The following SLC25A6 variants were observed in gnomAD, a reference collection of about 807,000 sequenced individuals.
SLC25A6 encodes the protein ADP/ATP translocase 3.
In SLC25A6, 9 loss-of-function variants were observed where a neutral mutation model predicts 25.7. That is an observed-to-expected ratio of 0.35 (90% confidence interval 0.21 to 0.61). The LOEUF (loss-of-function observed/expected upper bound fraction) is 0.61. Among genes scored for constraint, SLC25A6 ranks in the 20% least tolerant of loss-of-function variants. SLC25A6 has a pLI of 0.76. For synonymous variants in SLC25A6, 223 were observed against 197.0 expected, an observed-to-expected ratio of 1.13 and a Z score of -1.11; for missense variants, 404 against 440.5, an observed-to-expected ratio of 0.92 and a Z score of 0.74.
intron 2 of SLC25A6, 32 bp from the exon 3 acceptor site, chrX:1,387,451 C>G: frequency 1.2e-6 from 2 of 1,607,864 alleles, no homozygotes; most frequent in Non-Finnish European, 8.5e-7. Flanking sequence ...CCGTCTCCAG[C>G]GCCTGCACGG....
chrX:1,389,581 G>A lies in SLC25A6; in HGVS notation c.258C>T (p.Ala86=). The A allele has an allele frequency of 7.4e-6, 12 of 1,614,178 alleles. No individual in the cohort carries two copies. Among genetic ancestry groups the A allele is most frequent in the Non-Finnish European group, 9.3e-6 (11 of 1,180,026 alleles). ...ANVIRYFPTQ[A]LNFAFKDKYK... ...ACTTATCCTTGAAGGCGAAGTTGAG[G>A]GCTTGAGTGGGGAAGTAGCGAATGA... Residue 86 remains alanine (A), a synonymous_variant, in exon 2 of 4, where the codon GCC becomes GCT. Coordinates refer to ENST00000381401, the MANE Select transcript of SLC25A6 (RefSeq NM_001636.4).
In SLC25A6 at chrX:1,387,394, C is replaced by T. The variant is rs372528410; in HGVS notation, c.624G>A (p.Thr208=). 3.5e-5 allele frequency: 57 copies of T among 1,613,026 alleles called. No homozygotes were observed. Among genetic ancestry groups the T allele is most frequent in the Non-Finnish European group, 4.6e-5 (54 of 1,179,712 alleles). Residue 208 remains threonine, a synonymous_variant, in exon 3 of 4, where the codon ACG becomes ACA. Coordinates refer to ENST00000381401, the MANE Select transcript of SLC25A6 (RefSeq NM_001636.4). ...AKGMLPDPKN[T]HIVVSWMIAQ... The stretch of plus-strand genomic sequence containing the variant: ...CGATCATCCAGCTCACCACGATGTG[C>T]GTGTTCTTGGGGTCGGGGAGCATGC...
intron 3 of SLC25A6, 94 bp from the exon 4 acceptor site, chrX:1,386,853 A>C: frequency 3.6e-6 from 5 of 1,405,362 alleles, no homozygotes; most frequent in Non-Finnish European, 4.9e-6. Context: ...CAGAAATAAC[A>C]CCCCAGACGC....
At chrX:1,390,010 C>T (rs1316528760) in intron 1 of SLC25A6, among the ~76,000 whole-genome samples, 6 of 152,066 alleles carry the variant, frequency 3.9e-5, no homozygotes, top group East Asian at 3.9e-4. Flanking sequence ...CCACCGCACC[C>T]GGCTCTTTCT....
intron 3 of SLC25A6, 62 bp from the exon 4 acceptor site, chrX:1,386,821 CT>C: frequency 1.3e-6 from 2 of 1,549,782 alleles, no homozygotes; most frequent in Non-Finnish European, 1.7e-6. Context: ...CGGACGCCAC[CT>C]GCACCCACAA....
rs371573568 is a variant in SLC25A6 at position 1,386,740 on chromosome X, G to A, written c.759C>T (p.Gly253=). Reference sequence around the variant, plus strand: ...AGATCTTCCTCCAACAGTCGACGGTGCCCGTGTACATGATGTCAGCTGCAA... The same window carrying A: ...AGATCTTCCTCCAACAGTCGACGGTACCCGTGTACATGATGTCAGCTGCAA... ...GRKGADIMYT[G]TVDCWRKIFR... The change falls in exon 4 of 4, where the codon GGC becomes GGT. Residue 253 remains glycine, a synonymous_variant. Coordinates refer to ENST00000381401, the MANE Select transcript of SLC25A6 (RefSeq NM_001636.4). The A allele has an allele frequency of 1.6e-4, 257 of 1,608,798 alleles. 5 individuals are homozygous for A. The East Asian group carries it at 3.3e-3, about 21-fold the overall frequency.
In SLC25A6 at chrX:1,390,556, C is replaced by T. The variant is rs188454507; in HGVS notation, c.112-829G>A. Among the ~76,000 whole-genome samples, 22 of 146,670 alleles carry T rather than the reference C, an allele frequency of 1.5e-4. No individual in the cohort carries two copies. The East Asian group carries it at 4.0e-3, about 26-fold the overall frequency. ...TCGTGCCACTGCACTCCAGCCTGGGCGACAGGGAGAGACTCCATCTCAAAA... is the reference window on the plus strand; with the variant it reads ...TCGTGCCACTGCACTCCAGCCTGGGTGACAGGGAGAGACTCCATCTCAAAA... On this transcript the variant is annotated intron_variant, in intron 1 of 3. Coordinates refer to ENST00000381401, the MANE Select transcript of SLC25A6 (RefSeq NM_001636.4).
intron 1 of SLC25A6, among the ~76,000 whole-genome samples, 189 bp downstream of exon 1, chrX:1,391,710 G>C (rs1412843117): frequency 6.6e-6 from 1 of 152,214 alleles, no homozygotes; most frequent in African/African-American, 2.4e-5. Flanking sequence ...CGCACGCGTG[G>C]ACGTCGCCAC....
In SLC25A6 at chrX:1,387,434, C is replaced by T. The variant is rs746125677; in HGVS notation, c.599-15G>A. The T allele has an allele frequency of 5.6e-5, 90 of 1,610,472 alleles. 1 individual carries two copies. In the Middle Eastern group the frequency reaches 9.0e-4, roughly 16 times the overall value. ...GGGGAGCATGCCTGCGCGGGAACGG[C>T]ACGTCACCGTCTCCAGCGCCTGCAC... On this transcript the variant is annotated splice_polypyrimidine_tract_variant and intron_variant, in intron 2 of 3. Transcript: ENST00000381401.
rs753619620 is a variant in SLC25A6, at chrX:1,389,685, T to C, written c.154A>G (p.Lys52Glu). 1.9e-6 allele frequency: 3 copies of C among 1,613,572 alleles called. No homozygotes were observed. The highest frequency in any genetic ancestry group is 2.2e-5 in the South Asian group (2 of 91,048). ...SKQIAADKQY[K>E]GIVDCIVRIP... ...CGGACAATGCAGTCCACGATGCCCT[T>C]GTACTGCTTGTCGGCGGCGATCTGC... Residue 52 changes from lysine (K) to glutamate (E), a missense_variant, in exon 2 of 4, where the codon AAG becomes GAG. Coordinates refer to ENST00000381401, the MANE Select transcript of SLC25A6 (RefSeq NM_001636.4).
intron 1 of SLC25A6, 83 bp downstream of exon 1, chrX:1,391,816 G>C: frequency 9.1e-7 from 1 of 1,097,422 alleles, no homozygotes; most frequent in Non-Finnish European, 1.3e-6. Context: ...CGCCTGCAAG[G>C]CTCTGCTGCC....
At chrX:1,386,896 C>G (rs1224887653) in intron 3 of SLC25A6, 137 bp from the exon 4 acceptor site, 389 of 1,088,860 alleles carry the variant, frequency 3.6e-4, no homozygotes, top group Non-Finnish European at 4.8e-4. Flanking sequence ...GGAGGGATAC[C>G]TGAGGCTCCC....
chrX:1,389,472 C>G lies in SLC25A6; in HGVS notation c.367G>C (p.Ala123Pro), dbSNP rs1370120955. Residue 123 changes from alanine (A) to proline (P), a missense_variant, in exon 2 of 4, where the codon GCC (alanine) becomes CCC (proline). Ala to Pro is a conservative substitution (Grantham distance 27, BLOSUM62 -1). Coordinates refer to ENST00000381401, the MANE Select transcript of SLC25A6 (RefSeq NM_001636.4). ...ACGAAGCAGAGGGAGGTCGCGCCGG[C>G]CGCACCGCCGGAGGCCAGGTTGCCC... ...FAGNLASGGA[A>P]GATSLCFVYP... The G allele has an allele frequency of 6.2e-7, 1 of 1,614,022 alleles. No homozygotes were observed. The highest frequency in any genetic ancestry group is 1.7e-5 in the Admixed American group (1 of 60,020).
intron 1 of SLC25A6, 145 bp downstream of exon 1, chrX:1,391,754 G>T: frequency 4.9e-6 from 3 of 611,342 alleles, no homozygotes; most frequent in Non-Finnish European, 8.3e-6. Context: ...CGCGGCCCCC[G>T]GAAGCCGGCG....
At chrX:1,391,844 C>T in intron 1 of SLC25A6, 55 bp downstream of exon 1, 2 of 1,399,638 alleles carry the variant, frequency 1.4e-6, no homozygotes, top group South Asian at 2.5e-5. Flanking sequence ...CCGCCCGACC[C>T]GGCCACTCGG....
chrX:1,389,749 C>T (rs1402777389), intron 1 of SLC25A6, 22 bp from the exon 2 acceptor site: 1 of 1,605,506 alleles, frequency 6.2e-7, no homozygotes, highest in Non-Finnish European at 8.5e-7. Context: ...AGAGGGTGTT[C>T]AGACCAGACC....
rs147482209 is a variant in SLC25A6, at chrX:1,387,325, G to A, written c.693C>T (p.Phe231=). ...TAVAGVVSYP[F]DTVRRRMMMQ... The stretch of plus-strand genomic sequence containing the variant: ...TCATCATGCGCCGCCGCACCGTGTC[G>A]AAGGGGTAGGACACCACGCCGGCCA... The change falls in exon 3 of 4, where the codon TTC becomes TTT. Residue 231 remains phenylalanine (F), a synonymous_variant. Transcript: ENST00000381401. The A allele has an allele frequency of 2.1e-4, 338 of 1,613,166 alleles. No individual in the cohort carries two copies. Among genetic ancestry groups the A allele is most frequent in the Admixed American group, 5.7e-4 (34 of 59,988 alleles).
rs762041822 is a variant in SLC25A6, at chrX:1,392,091, C to T, written c.-82G>A. ...AATGGAGGGCGTCGCTGGCTCAGCC[C>T]TGCCGCCGCCTGGACCGAAAGGACG... On this transcript the variant is annotated 5_prime_UTR_variant, in exon 1 of 4. Transcript: ENST00000381401. 2.2e-5 allele frequency: 22 copies of T among 1,012,826 alleles called. No homozygotes were observed. The East Asian group carries it at 2.7e-4, about 13-fold the overall frequency. 62.7% of individuals were successfully genotyped at this position (1,012,826 alleles called of 1,614,324 possible). A position where few individuals can be genotyped will look rare whatever the true frequency, so the allele number is the denominator to read the frequency against.
At position 1,391,951 on chromosome X, in the gene SLC25A6, G is replaced by A; in HGVS notation, c.59C>T (p.Ala20Val). Residue 20 changes from alanine to valine, a missense_variant, in exon 1 of 4, where the codon GCC becomes GTC. Ala to Val is a moderately conservative substitution (Grantham distance 64). Transcript: ENST00000381401. Reference sequence around the variant, plus strand: ...CGGAGCCACGGCCGTCTTGGAGATGGCGGCGGCGATGCCTCCGGCCAAGAA... The same window carrying A: ...CGGAGCCACGGCCGTCTTGGAGATGACGGCGGCGATGCCTCCGGCCAAGAA... ...KDFLAGGIAA[A>V]ISKTAVAPIE... The A allele has an allele frequency of 5.6e-6, 9 of 1,609,912 alleles. No individual in the cohort carries two copies. The highest frequency in any genetic ancestry group is 7.6e-6 in the Non-Finnish European group (9 of 1,179,032).
Sources: gnomAD v4.1 joint callset for allele counts (sites outside exome capture counted in the v4.1 genomes callset) on GRCh38, gnomAD v4.1.1 for gene constraint, MANE v1.5 for transcripts, NCBI Gene and HGNC (gene_info 2026-07-23, HGNC 2026-07-21) for gene names.